The following HMCN1 variants were observed in gnomAD, a reference collection of about 807,000 sequenced individuals.
The protein encoded by HMCN1 is hemicentin-1.
Under a neutral mutation model 625.9 loss-of-function variants are expected in HMCN1, and 321 were observed. The observed-to-expected ratio is 0.51, with a 90% CI of 0.47 to 0.56. The LOEUF (loss-of-function observed/expected upper bound fraction) is 0.56. Among genes scored for constraint, HMCN1 ranks in the 20% least tolerant of loss-of-function variants. The pLI is 0.00. For missense variants in HMCN1, 6,588 were observed against 6,887.3 expected, an observed-to-expected ratio of 0.96 and a Z score of 1.54; for synonymous variants, 2,425 against 2,417.6, an observed-to-expected ratio of 1.00 and a Z score of -0.09.
chr1:186,132,554 C>A (rs1571397631), intron 86 of HMCN1, 145 bp downstream of exon 86: 3 of 695,664 alleles, frequency 4.3e-6, no homozygotes, highest in Non-Finnish European at 7.8e-6. Flanking sequence ...GCTGATGGAG[C>A]AGTTGTCATC....
chr1:186,020,265 A>AGATAGATAGATG (rs1355585637), intron 35 of HMCN1, among the ~76,000 whole-genome samples: 3 of 151,848 alleles, frequency 2.0e-5, no homozygotes, highest in African/African-American at 4.8e-5. Context: ...ATAGATAGAT[A>AGATAGATAGATG]GATGATAGAT....
rs928876961 is a variant in HMCN1, at chr1:185,820,104, G to A, written c.269-25922G>A. Among the ~76,000 whole-genome samples, 4 of 152,150 alleles carry A rather than the reference G, an allele frequency of 2.6e-5. No homozygotes were observed. The South Asian group carries it at 8.3e-4, about 32-fold the overall frequency. On this transcript the variant is annotated intron_variant, in intron 1 of 106. Transcript: ENST00000271588. ...AAATATGTGCATGCTATTTGCTTTT[G>A]ATTGGGAACTGTCAGCAGGAGAAAG...
At chr1:186,153,685 T>A in intron 96 of HMCN1, 65 bp from the exon 97 acceptor site, 2 of 1,294,070 alleles carry the variant, frequency 1.5e-6, no homozygotes, top group Non-Finnish European at 1.1e-6. Context: ...CATTTCATAG[T>A]CCCCTTAAGG....
At position 185,873,738 on chromosome 1, in the gene HMCN1, A is replaced by G. The variant is rs1369458552; in HGVS notation, c.621+7875A>G. Among the ~76,000 whole-genome samples the G allele has an allele frequency of 2.0e-5, 3 of 152,108 alleles. No individual in the cohort carries two copies. In the South Asian group the frequency reaches 6.2e-4, roughly 31 times the overall value. ...TTTGTTATTACATCTTTTCTGCAGAACAAGAATTGCCTGCTGCCCTTACAT... is the reference window on the plus strand; with the variant it reads ...TTTGTTATTACATCTTTTCTGCAGAGCAAGAATTGCCTGCTGCCCTTACAT... On this transcript the variant is annotated intron_variant, in intron 4 of 106. Transcript: ENST00000271588.
At chr1:185,996,035 G>T (rs553628585) in intron 24 of HMCN1, among the ~76,000 whole-genome samples, 46 of 152,236 alleles carry the variant, frequency 3.0e-4, no homozygotes, top group African/African-American at 1.1e-3. Context: ...CACTAATGAA[G>T]AAGTTTTCCT....
chr1:185,857,640 A>C (rs1339330545), intron 2 of HMCN1, among the ~76,000 whole-genome samples: 1 of 152,058 alleles, frequency 6.6e-6, no homozygotes. Flanking sequence ...GTACTTTTAG[A>C]AGGTTTAGTT....
chr1:186,051,314 G>A lies in HMCN1; in HGVS notation c.6578-1638G>A, dbSNP rs202029214. 9.2e-5 allele frequency among the ~76,000 whole-genome samples: 14 copies of A among 152,056 alleles called. No homozygotes were observed. The East Asian group carries it at 2.7e-3, about 30-fold the overall frequency. Reference sequence around the variant, plus strand: ...TTAAGTTGATTAGATTAAGAAGTGTGGAAACAAGAAGGGTAAAGGAGGGAT... The same window carrying A: ...TTAAGTTGATTAGATTAAGAAGTGTAGAAACAAGAAGGGTAAAGGAGGGAT... On this transcript the variant is annotated intron_variant, in intron 42 of 106. Coordinates refer to ENST00000271588, the MANE Select transcript of HMCN1 (RefSeq NM_031935.3).
chr1:186,063,468 AG>A (rs1657899904), intron 48 of HMCN1, among the ~76,000 whole-genome samples: 1 of 121,342 alleles, frequency 8.2e-6, no homozygotes, highest in African/African-American at 3.5e-5. Context: ...GAAGGAAGGA[AG>A]GAAGGAAGGA....
chr1:185,893,561 G>A (rs946201153), intron 4 of HMCN1, among the ~76,000 whole-genome samples: 3 of 151,962 alleles, frequency 2.0e-5, no homozygotes, highest in Admixed American at 6.6e-5. Flanking sequence ...CGAGTGTGTG[G>A]TATATTGCCC....
intron 24 of HMCN1, among the ~76,000 whole-genome samples, chr1:185,996,174 A>G (rs1017809477): frequency 2.0e-5 from 3 of 152,174 alleles, no homozygotes; most frequent in African/African-American, 7.2e-5. Context: ...GGAAAACTCT[A>G]TATGAGCTTT....
intron 86 of HMCN1, among the ~76,000 whole-genome samples, chr1:186,134,862 A>G (rs1210228273): frequency 6.6e-6 from 1 of 152,182 alleles, no homozygotes; most frequent in African/African-American, 2.4e-5. Context: ...AAGAATGTAT[A>G]TGCTGCCCCG....
intron 14 of HMCN1, among the ~76,000 whole-genome samples, chr1:185,969,341 C>T (rs575460433): frequency 5.9e-5 from 9 of 152,168 alleles, no homozygotes; most frequent in East Asian, 1.9e-4. Flanking sequence ...TAGGCACTGA[C>T]GGTTGCTGAT....
At chr1:186,039,547 G>A (rs1656070145) in intron 38 of HMCN1, among the ~76,000 whole-genome samples, 181 bp from the exon 39 acceptor site, 1 of 152,116 alleles carries the variant, frequency 6.6e-6, no homozygotes. Context: ...TACTTGCTCT[G>A]TTTATCTCAC....
chr1:185,826,670 C>T (rs1365172908), intron 1 of HMCN1, among the ~76,000 whole-genome samples: 1 of 152,164 alleles, frequency 6.6e-6, no homozygotes, highest in East Asian at 1.9e-4. Context: ...AACAGCCAGT[C>T]TTCATTGCAG....
At chr1:185,778,873 G>T (rs1335902719) in intron 1 of HMCN1, among the ~76,000 whole-genome samples, 1 of 152,176 alleles carries the variant, frequency 6.6e-6, no homozygotes, top group Non-Finnish European at 1.5e-5. Context: ...TAATGGGATG[G>T]CTGGGTCAAA....
chr1:186,089,876 T>C (rs915721862), intron 63 of HMCN1, among the ~76,000 whole-genome samples: 1 of 151,942 alleles, frequency 6.6e-6, no homozygotes, highest in Non-Finnish European at 1.5e-5. Context: ...ATTAGATTTA[T>C]AGAGCTTATT....
chr1:186,149,542 C>T (rs973308271), intron 93 of HMCN1, among the ~76,000 whole-genome samples: 2 of 152,142 alleles, frequency 1.3e-5, no homozygotes, highest in Non-Finnish European at 2.9e-5. Flanking sequence ...AGATTTTCTC[C>T]ATATAAAAAA....
Position 185,738,018 on chromosome 1 carries a change from G to A in HMCN1, c.268+2971G>A, listed in dbSNP as rs982368392. ...AGCAGCACATGTGTCTAGAGTAGGAGGAGGTACCAGAGATGAACGGGGGTC... is the reference window on the plus strand; with the variant it reads ...AGCAGCACATGTGTCTAGAGTAGGAAGAGGTACCAGAGATGAACGGGGGTC... On this transcript the variant is annotated intron_variant, in intron 1 of 106. Transcript: ENST00000271588. 3.9e-5 allele frequency among the ~76,000 whole-genome samples: 6 copies of A among 152,160 alleles called. No homozygotes were observed. In the South Asian group the frequency reaches 1.2e-3, roughly 31 times the overall value.
chr1:185,867,897 C>T (rs918264890), intron 4 of HMCN1, among the ~76,000 whole-genome samples: 3 of 151,886 alleles, frequency 2.0e-5, no homozygotes, highest in African/African-American at 4.8e-5. Flanking sequence ...GGTGAAAACC[C>T]GTCTCTACTA....
Sources: gnomAD v4.1 joint callset for allele counts (sites outside exome capture counted in the v4.1 genomes callset) on GRCh38, gnomAD v4.1.1 for gene constraint, MANE v1.5 for transcripts, NCBI Gene and HGNC (gene_info 2026-07-23, HGNC 2026-07-21) for gene names.